CCM2: variants seen among roughly 807,000 people sequenced by gnomAD.
The protein encoded by CCM2 is CCM2 scaffold protein.
CCM2 carries 25 observed loss-of-function variants against 44.9 expected under a neutral mutation model. The ratio of observed to expected loss-of-function variants is 0.56; its 90% CI spans 0.41 to 0.78. The LOEUF (loss-of-function observed/expected upper bound fraction) is 0.78, where lower values mean the gene tolerates loss of function less well. CCM2 is among the 30% of genes least tolerant of loss of function. CCM2 has a pLI of 0.00. For missense variants in CCM2, 481 were observed against 580.6 expected, an observed-to-expected ratio of 0.83 and a Z score of 1.76; for synonymous variants, 219 against 241.1, an observed-to-expected ratio of 0.91 and a Z score of 0.85.
chr7:45,025,343 A>G (rs1378210780), intron 1 of CCM2, among the ~76,000 whole-genome samples: 1 of 152,178 alleles, frequency 6.6e-6, no homozygotes, highest in Non-Finnish European at 1.5e-5. Context: ...TTGGTGGCAA[A>G]TGTTCATCTG....
chr7:45,050,101 T>C (rs967713635), intron 2 of CCM2, among the ~76,000 whole-genome samples: 13 of 152,236 alleles, frequency 8.5e-5, no homozygotes, highest in African/African-American at 2.7e-4. Flanking sequence ...GTCTTAACAT[T>C]GTAGCACAAC....
At chr7:45,023,250 T>TAAAATA (rs1796551756) in intron 1 of CCM2, among the ~76,000 whole-genome samples, 1 of 152,120 alleles carries the variant, frequency 6.6e-6, no homozygotes, top group Admixed American at 6.5e-5. Flanking sequence ...TTAAATGTTC[T>TAAAATA]AATAAAACTT....
At chr7:45,036,282 A>G (rs918682754) in intron 1 of CCM2, among the ~76,000 whole-genome samples, 1 of 152,148 alleles carries the variant, frequency 6.6e-6, no homozygotes, top group Non-Finnish European at 1.5e-5. Flanking sequence ...TCCTGATTCC[A>G]TGTCTGTTTT....
intron 1 of CCM2, among the ~76,000 whole-genome samples, chr7:45,029,247 AG>A (rs1796844068): frequency 6.6e-6 from 1 of 152,284 alleles, no homozygotes; most frequent in South Asian, 2.1e-4. Flanking sequence ...GTTGGCCTTA[AG>A]GATACCTAGG....
chr7:45,075,314 C>T (rs1299291441), intron 9 of CCM2, among the ~76,000 whole-genome samples: 1 of 152,228 alleles, frequency 6.6e-6, no homozygotes, highest in Non-Finnish European at 1.5e-5. Flanking sequence ...GGGACAGTCA[C>T]CTAGGTCATG....
At chr7:45,058,479 C>T (rs746042257) in intron 2 of CCM2, among the ~76,000 whole-genome samples, 9 of 133,676 alleles carry the variant, frequency 6.7e-5, no homozygotes, top group Non-Finnish European at 1.3e-4. Flanking sequence ...CTCCCCCCAC[C>T]CCACAACAGT....
At chr7:45,053,127 G>C (rs1462962785) in intron 2 of CCM2, among the ~76,000 whole-genome samples, 1 of 152,194 alleles carries the variant, frequency 6.6e-6, no homozygotes, top group Non-Finnish European at 1.5e-5. Flanking sequence ...GGACCTTTTT[G>C]ATAGTTTGGG....
chr7:45,005,542 C>A (rs1795810369), intron 1 of CCM2, among the ~76,000 whole-genome samples: 1 of 37,002 alleles, frequency 2.7e-5, no homozygotes, highest in Non-Finnish European at 4.5e-5. Context: ...GTGCCCCCTC[C>A]TTGTTGTCAC....
chr7:45,007,163 G>C (rs901114743), intron 1 of CCM2, among the ~76,000 whole-genome samples: 2 of 152,168 alleles, frequency 1.3e-5, no homozygotes, highest in Non-Finnish European at 2.9e-5. Flanking sequence ...TCACTGTGCT[G>C]TATGTAAACC....
intron 2 of CCM2, among the ~76,000 whole-genome samples, chr7:45,054,813 C>T (rs1219789857): frequency 6.6e-6 from 1 of 152,196 alleles, no homozygotes; most frequent in Non-Finnish European, 1.5e-5. Flanking sequence ...CATGGCATTG[C>T]CATAGGGGCA....
intron 1 of CCM2, among the ~76,000 whole-genome samples, chr7:45,019,516 TA>T (rs1796398198): frequency 6.6e-6 from 1 of 152,186 alleles, no homozygotes; most frequent in Non-Finnish European, 1.5e-5. Flanking sequence ...AGGTACTGAT[TA>T]AGCCCCTTTA....
At chr7:45,028,522 C>T (rs1203443320) in intron 1 of CCM2, among the ~76,000 whole-genome samples, 2 of 151,902 alleles carry the variant, frequency 1.3e-5, no homozygotes, top group African/African-American at 2.4e-5. Context: ...CCGGGTGTGG[C>T]GGCACGCACC....
intron 1 of CCM2, among the ~76,000 whole-genome samples, chr7:45,028,939 T>A (rs899414303): frequency 5.3e-5 from 8 of 152,196 alleles, no homozygotes; most frequent in Non-Finnish European, 1.0e-4. Context: ...GTGCCTCGGA[T>A]GTGCACCTTA....
chr7:45,040,229 A>G (rs908329533), intron 2 of CCM2, among the ~76,000 whole-genome samples: 30 of 138,540 alleles, frequency 2.2e-4, no homozygotes, highest in African/African-American at 8.0e-4. Flanking sequence ...CTAAAAATAC[A>G]AAAAATTAGC....
rs1799179318 is a variant in CCM2, at chr7:45,073,390, G to C, written c.804-70G>C. 3.0e-6 allele frequency: 3 copies of C among 996,732 alleles called. No homozygotes were observed. In the East Asian group the frequency reaches 7.3e-5, roughly 24 times the overall value. 61.7% of individuals were successfully genotyped at this position (996,732 alleles called of 1,614,324 possible). A position where few individuals can be genotyped will look rare whatever the true frequency, so the allele number is the denominator to read the frequency against. On this transcript the variant is annotated intron_variant, in intron 7 of 9. Coordinates refer to ENST00000258781, the MANE Select transcript of CCM2 (RefSeq NM_031443.4). Reference sequence around the variant, plus strand: ...GGACCCACACACACGGCATGGACTAGGTTTCCTGAAACGTGTGTGGGATGG... The same window carrying C: ...GGACCCACACACACGGCATGGACTACGTTTCCTGAAACGTGTGTGGGATGG...
chr7:45,073,861 C>T (rs1279996981), intron 8 of CCM2: 2 of 548,822 alleles, frequency 3.6e-6, no homozygotes, highest in Non-Finnish European at 6.5e-6. Context: ...TGCAAGGCCA[C>T]ATGGCCAGAC....
At chr7:45,032,154 T>C (rs1462208461) in intron 1 of CCM2, among the ~76,000 whole-genome samples, 1 of 152,172 alleles carries the variant, frequency 6.6e-6, no homozygotes, top group African/African-American at 2.4e-5. Context: ...ATAGTGTTAA[T>C]ATTCCACTTT....
At chr7:45,073,264 C>T (rs535616159) in intron 7 of CCM2, 196 bp from the exon 8 acceptor site, 43 of 626,048 alleles carry the variant, frequency 6.9e-5, no homozygotes, top group Middle Eastern at 4.1e-4. Flanking sequence ...GCCATGCCCC[C>T]GGGGAGCCCC....
In CCM2 at chr7:45,076,202, TCTA is replaced by T; in HGVS notation, c.*148_*150del. On this transcript the variant is annotated 3_prime_UTR_variant, in exon 10 of 10. Transcript: ENST00000258781. Reference sequence around the variant, plus strand: ...AGATGGCCCCGGGCGGCCCAGGTCCTCTACTGTGAAGGAGCAGGGAGCTGCCGA... The same window carrying T: ...AGATGGCCCCGGGCGGCCCAGGTCCTCTGTGAAGGAGCAGGGAGCTGCCGA... 1.7e-6 allele frequency: 2 copies of T among 1,151,220 alleles called. No individual in the cohort carries two copies. Among genetic ancestry groups the T allele is most frequent in the Non-Finnish European group, 2.5e-6 (2 of 797,090 alleles). The allele number at this position is 1,151,220 out of a possible 1,614,324, so 71.3% of individuals were successfully genotyped here.
Sources: allele counts gnomAD v4.1 joint callset (sites outside exome capture counted in the v4.1 genomes callset), GRCh38; gene constraint gnomAD v4.1.1; transcripts MANE v1.5; gene names NCBI Gene and HGNC (gene_info 2026-07-23, HGNC 2026-07-21).